The following LRP1B variants were observed in gnomAD, a reference collection of about 807,000 sequenced individuals.
The protein encoded by LRP1B is low-density lipoprotein receptor-related protein 1B.
In LRP1B, 217 loss-of-function variants were observed where a neutral mutation model predicts 556.6. The ratio of observed to expected loss-of-function variants is 0.39; its 90% CI spans 0.35 to 0.44. LRP1B has a LOEUF of 0.44. LRP1B is among the 20% of genes least tolerant of loss of function. The pLI is 1.00. For missense variants in LRP1B, 5,053 were observed against 5,620.8 expected, an observed-to-expected ratio of 0.90 and a Z score of 3.23; for synonymous variants, 2,047 against 1,865.8, an observed-to-expected ratio of 1.10 and a Z score of -2.50.
Position 140,306,620 on chromosome 2 carries a change from A to AT in LRP1B, c.12805+8314dup, listed in dbSNP as rs58571888. 7.5e-3 allele frequency among the ~76,000 whole-genome samples: 1,123 copies of AT among 149,348 alleles called. 14 individuals are homozygous for AT. Among genetic ancestry groups the AT allele is most frequent in the African/African-American group, 0.024 (966 of 40,474 alleles). ...AAAAAAACAGCTCCTGGATTCATTGATTTTTTTTTTAAGGGTTTTTTGTGC... is the reference window on the plus strand; with the variant it reads ...AAAAAAACAGCTCCTGGATTCATTGATTTTTTTTTTTAAGGGTTTTTTGTGC... On this transcript the variant is annotated intron_variant, in intron 83 of 90. Coordinates refer to ENST00000389484, the MANE Select transcript of LRP1B (RefSeq NM_018557.3).
At chr2:141,047,819 T>C (rs1277722786) in intron 11 of LRP1B, among the ~76,000 whole-genome samples, 2 of 152,092 alleles carry the variant, frequency 1.3e-5, no homozygotes, top group Non-Finnish European at 2.9e-5. Context: ...ATGGAATTTC[T>C]GGTTGCAGAA....
At chr2:140,398,639 G>C (rs1684360034) in intron 66 of LRP1B, among the ~76,000 whole-genome samples, 1 of 152,112 alleles carries the variant, frequency 6.6e-6, no homozygotes, top group Non-Finnish European at 1.5e-5. Flanking sequence ...CAATCTTCCT[G>C]TCTCAGTCTC....
chr2:140,473,538 T>C (rs1304370171), intron 60 of LRP1B, among the ~76,000 whole-genome samples: 1 of 151,928 alleles, frequency 6.6e-6, no homozygotes, highest in Non-Finnish European at 1.5e-5. Flanking sequence ...TTAGTCACCA[T>C]ATAAGTGACA....
At chr2:142,095,972 A>G (rs1706350254) in intron 1 of LRP1B, among the ~76,000 whole-genome samples, 1 of 151,690 alleles carries the variant, frequency 6.6e-6, no homozygotes, top group African/African-American at 2.4e-5. Context: ...CCTATATGTC[A>G]ACAATTGTGA....
rs369937765 is a variant in LRP1B, at chr2:141,514,217, T to C, written c.206-33684A>G. 4.1e-4 allele frequency among the ~76,000 whole-genome samples: 63 copies of C among 152,268 alleles called. No individual in the cohort carries two copies. The South Asian group carries it at 0.013, about 31-fold the overall frequency. ...ACCTCTCAGTCACCCTGTGACCCCA[T>C]AGAGCTGGAGCCTGCTTGCTCTAAA... On this transcript the variant is annotated intron_variant, in intron 2 of 90. Transcript: ENST00000389484.
chr2:140,797,676 G>T (rs1573731895), intron 32 of LRP1B, among the ~76,000 whole-genome samples: 1 of 151,876 alleles, frequency 6.6e-6, no homozygotes, highest in Admixed American at 6.6e-5. Flanking sequence ...AATTAATTAT[G>T]TAATCTATTT....
At chr2:141,453,547 G>A (rs1297254329) in intron 3 of LRP1B, among the ~76,000 whole-genome samples, 1 of 152,128 alleles carries the variant, frequency 6.6e-6, no homozygotes, top group East Asian at 1.9e-4. Context: ...TGTGTCAGGT[G>A]TTACATCTCA....
rs1559079727 is a variant in LRP1B, at chr2:142,115,564, A to AATATATATTATATATTAT, written c.82+15083_82+15084insATAATATATAATATATAT. Among the ~76,000 whole-genome samples the AATATATATTATATATTAT allele has an allele frequency of 1.0e-3, 43 of 41,002 alleles. 6 individuals carry two copies. The highest frequency in any genetic ancestry group is 3.9e-3 in the African/African-American group (40 of 10,372). 26.9% of individuals were successfully genotyped at this position (41,002 alleles called of 152,430 possible). On this transcript the variant is annotated intron_variant, in intron 1 of 90. Coordinates refer to ENST00000389484, the MANE Select transcript of LRP1B (RefSeq NM_018557.3). ...TATGTAATATATATATTATATATGT[A>AATATATATTATATATTAT]ATATATATTATATATGTAATATATA...
Position 140,748,835 on chromosome 2 carries a change from T to TTATATACATGTATATAATATATATC in LRP1B, c.5758+20377_5758+20378insGATATATATTATATACATGTATATA, listed in dbSNP as rs1559094831. On this transcript the variant is annotated intron_variant, in intron 35 of 90. Coordinates refer to ENST00000389484, the MANE Select transcript of LRP1B (RefSeq NM_018557.3). ...CATGTATATAATATATATCATATAT[T>TTATATACATGTATATAATATATATC]ATATACATGTATATAATATATATAC... Among the ~76,000 whole-genome samples the TTATATACATGTATATAATATATATC allele has an allele frequency of 3.8e-4, 42 of 111,212 alleles. 1 individual carries two copies. Among genetic ancestry groups the TTATATACATGTATATAATATATATC allele is most frequent in the Admixed American group, 1.7e-3 (18 of 10,854 alleles). 73.0% of individuals were successfully genotyped at this position (111,212 alleles called of 152,430 possible). A position where few individuals can be genotyped will look rare whatever the true frequency, so the allele number is the denominator to read the frequency against.
chr2:141,122,607 C>T (rs1055929233), intron 7 of LRP1B, among the ~76,000 whole-genome samples: 13 of 152,150 alleles, frequency 8.5e-5, no homozygotes, highest in African/African-American at 2.9e-4. Context: ...ACAACAGGTG[C>T]TGGGGAGGAT....
At chr2:141,810,240 T>C in intron 2 of LRP1B, 39 bp downstream of exon 2, 1 of 1,602,196 alleles carries the variant, frequency 6.2e-7, no homozygotes, top group Non-Finnish European at 8.5e-7. Flanking sequence ...GTTTCACATG[T>C]AAGGTAAATC....
At chr2:142,124,742 G>A (rs1456080681) in intron 1 of LRP1B, among the ~76,000 whole-genome samples, 1 of 151,592 alleles carries the variant, frequency 6.6e-6, no homozygotes, top group Non-Finnish European at 1.5e-5. Flanking sequence ...TATTTCATTT[G>A]CCTAGTATGA....
At chr2:140,285,855 AT>A (rs5834734) in intron 84 of LRP1B, among the ~76,000 whole-genome samples, 136,427 of 151,632 alleles carry the variant, frequency 0.9, 62,008 homozygotes, top group Non-Finnish European at 0.96. Context: ...TTACTCTTTC[AT>A]TGTGTATAGT....
Position 140,371,168 on chromosome 2 carries a change from A to G in LRP1B, c.10875+11T>C. 6.7e-7 allele frequency: 1 copy of G among 1,496,090 alleles called. No homozygotes were observed. The highest frequency in any genetic ancestry group is 1.3e-5 in the South Asian group (1 of 79,028). The allele number at this position is 1,496,090 out of a possible 1,614,324, so 92.7% of individuals were successfully genotyped here. A position where few individuals can be genotyped will look rare whatever the true frequency, so the allele number is the denominator to read the frequency against. On this transcript the variant is annotated intron_variant, in intron 70 of 90. Transcript: ENST00000389484. ...GTAATTCAAATATTTTAATTAAACA[A>G]TATATTTTACCTCATCTGAACCATC...
intron 21 of LRP1B, among the ~76,000 whole-genome samples, chr2:140,918,794 C>G (rs899514760): frequency 6.6e-6 from 1 of 152,010 alleles, no homozygotes; most frequent in Non-Finnish European, 1.5e-5. Context: ...ATCTGCAAAC[C>G]AGGAAGAGTG....
intron 66 of LRP1B, among the ~76,000 whole-genome samples, chr2:140,441,268 A>T (rs1224316239): frequency 6.6e-6 from 1 of 152,216 alleles, no homozygotes; most frequent in Non-Finnish European, 1.5e-5. Flanking sequence ...ACAAGTCATT[A>T]TTCCACTTTG....
At chr2:141,399,302 T>C (rs1239837379) in intron 3 of LRP1B, among the ~76,000 whole-genome samples, 1 of 151,980 alleles carries the variant, frequency 6.6e-6, no homozygotes, top group African/African-American at 2.4e-5. Context: ...AATGTTAAAA[T>C]CCCACCCCAA....
chr2:141,436,338 C>G (rs892610738), intron 3 of LRP1B, among the ~76,000 whole-genome samples: 10 of 152,070 alleles, frequency 6.6e-5, no homozygotes, highest in Non-Finnish European at 2.9e-5. Context: ...ACTACATAAT[C>G]TCAATTATAT....
At chr2:141,050,116 A>G (rs1698992417) in intron 10 of LRP1B, among the ~76,000 whole-genome samples, 1 of 152,064 alleles carries the variant, frequency 6.6e-6, no homozygotes, top group African/African-American at 2.4e-5. Flanking sequence ...CTGAAGATAC[A>G]AAAGACTCAG....
Sources: gnomAD v4.1 joint callset for allele counts (sites outside exome capture counted in the v4.1 genomes callset) on GRCh38, gnomAD v4.1.1 for gene constraint, MANE v1.5 for transcripts, NCBI Gene and HGNC (gene_info 2026-07-23, HGNC 2026-07-21) for gene names.